Variants in KIF22 observed in about 807,000 individuals in gnomAD.
KIF22 encodes kinesin-like protein KIF22.
Under a neutral mutation model 73.0 loss-of-function variants are expected in KIF22, and 62 were observed. The ratio of observed to expected loss-of-function variants is 0.85; its 90% CI spans 0.69 to 1.05. The LOEUF is 1.05. KIF22 is among the 50% of genes least tolerant of loss of function. The pLI, the probability that KIF22 is intolerant of heterozygous loss-of-function variation, is 0.00. For missense variants in KIF22, 854 were observed against 870.1 expected (o/e 0.98, Z 0.23); for synonymous variants, 411 against 340.1 (o/e 1.21, Z -2.29).
rs746115237 is a variant in KIF22 at position 29,790,778 on chromosome 16, A to T, written c.19A>T (p.Thr7Ser). 5.0e-6 allele frequency: 8 copies of T among 1,600,410 alleles called. No homozygotes were observed. The South Asian group carries it at 7.9e-5, about 16-fold the overall frequency. ...GAGTGGAATGGCCGCGGGCGGCTCG[A>T]CGCAGCAGAGGCGACGCGAGATGGC... MAAGGS[T>S]QQRRREMAAA... is the part of the protein sequence containing the mutation. The change falls in exon 1 of 14, where the codon ACG becomes TCG. Residue 7 changes from threonine (T) to serine (S), a missense_variant. Thr to Ser is a moderately conservative substitution (Grantham distance 58). Around this residue, in one of 3 missense-constraint regions of KIF22, gnomAD observed 186 missense variants for 152.9 expected, o/e 1.22. Transcript: ENST00000160827.
At chr16:29,799,817 G>A (rs1329015713) in intron 7 of KIF22, 36 bp downstream of exon 7, 2 of 1,613,326 alleles carry the variant, frequency 1.2e-6, no homozygotes, top group Admixed American at 1.7e-5. Flanking sequence ...GAAACGCTGG[G>A]TCTGGAAATT....
At chr16:29,793,535 G>A (rs1455669485) in intron 1 of KIF22, among the ~76,000 whole-genome samples, 1 of 152,194 alleles carries the variant, frequency 6.6e-6, no homozygotes, top group East Asian at 1.9e-4. Context: ...AGATGTTACT[G>A]AAGCCAAGAG....
In KIF22 at chr16:29,798,818, C is replaced by T; in HGVS notation, c.549+71C>T. 1.3e-6 allele frequency: 2 copies of T among 1,578,996 alleles called. No individual in the cohort carries two copies. Among genetic ancestry groups the T allele is most frequent in the South Asian group, 1.2e-5 (1 of 86,768 alleles). On this transcript the variant is annotated intron_variant, in intron 4 of 13. Coordinates refer to ENST00000160827, the MANE Select transcript of KIF22 (RefSeq NM_007317.3). The surrounding 1 kb of genome is among the most constrained non-coding windows in gnomAD (Gnocchi z 4.1). ...TAAGACCTGGTTCTAGAACATGAAG[C>T]TCTGCTGTAGCAGGGAGGTAAGGTG... is the stretch of plus-strand genomic sequence containing the variant.
chr16:29,803,086 T>G, intron 9 of KIF22, 149 bp downstream of exon 9: 1 of 804,158 alleles, frequency 1.2e-6, no homozygotes. Context: ...TGAATGTCCT[T>G]AACATGGCTG....
intron 1 of KIF22, among the ~76,000 whole-genome samples, chr16:29,795,854 G>C (rs540877008): frequency 3.9e-5 from 6 of 152,062 alleles, no homozygotes; most frequent in African/African-American, 1.4e-4. Context: ...ATTGCATGTC[G>C]GTGGTTTTTG....
chr16:29,790,941 C>A, intron 1 of KIF22, 112 bp downstream of exon 1: 1 of 1,512,500 alleles, frequency 6.6e-7, no homozygotes, highest in Non-Finnish European at 8.9e-7. Context: ...GCGGCCATGG[C>A]GCAGGGGCGG....
At chr16:29,795,594 G>A (rs1199819971) in intron 1 of KIF22, among the ~76,000 whole-genome samples, 1 of 152,172 alleles carries the variant, frequency 6.6e-6, no homozygotes, top group Non-Finnish European at 1.5e-5. Context: ...GAGGGGAAGA[G>A]ATCTAGGTTT....
chr16:29,791,615 T>G (rs1028839139), intron 1 of KIF22, among the ~76,000 whole-genome samples: 1 of 152,254 alleles, frequency 6.6e-6, no homozygotes, highest in African/African-American at 2.4e-5. Flanking sequence ...GCTCTTGCTA[T>G]GTGCCAGGCA....
At chr16:29,802,683 A>G in intron 8 of KIF22, 86 bp from the exon 9 acceptor site, 1 of 1,281,052 alleles carries the variant, frequency 7.8e-7, no homozygotes, top group Non-Finnish European at 1.1e-6. Flanking sequence ...GGATATACCA[A>G]GTTAAGGTGT....
In KIF22 at chr16:29,803,571, G is replaced by T; in HGVS notation, c.1572G>T (p.Lys524Asn). The change falls in exon 10 of 14, where the codon AAG becomes AAT. Residue 524 changes from lysine (K) to asparagine (N), a missense_variant. By Grantham distance (94) the Lys-to-Asn change is moderately conservative. Around this residue, in one of 3 missense-constraint regions of KIF22, gnomAD observed 423 missense variants for 365.4 expected, o/e 1.16. Transcript: ENST00000160827. The part of the protein sequence containing the change: ...PLSHRTVTGA[K>N]PLKKAVVMPL... ...CACATCGCACAGTCACAGGGGCAAAGCCCCTGAAAAAGGCTGTGGTGATGC... is the reference window on the plus strand; with the variant it reads ...CACATCGCACAGTCACAGGGGCAAATCCCCTGAAAAAGGCTGTGGTGATGC... 6.2e-7 allele frequency: 1 copy of T among 1,612,952 alleles called. No homozygotes were observed. Among genetic ancestry groups the T allele is most frequent in the Non-Finnish European group, 8.5e-7 (1 of 1,179,408 alleles).
intron 7 of KIF22, 60 bp from the exon 8 acceptor site, chr16:29,799,853 A>T: frequency 6.2e-7 from 1 of 1,612,634 alleles, no homozygotes; most frequent in African/African-American, 1.3e-5. Context: ...ACCACCAAGC[A>T]TCAGCACAGA....
chr16:29,805,029 A>G lies in KIF22; in HGVS notation c.1890+3A>G, dbSNP rs1487194001. The G allele has an allele frequency of 2.2e-5, 28 of 1,282,066 alleles. No individual in the cohort carries two copies. The highest frequency in any genetic ancestry group is 3.0e-5 in the Non-Finnish European group (27 of 911,004). The allele number at this position is 1,282,066 out of a possible 1,614,324, so 79.4% of individuals were successfully genotyped here. On this transcript the variant is annotated splice_donor_region_variant and intron_variant, in intron 12 of 13. Coordinates refer to ENST00000160827, the MANE Select transcript of KIF22 (RefSeq NM_007317.3). ...AGCTCCACGGCCCCTTCAGCCAGGT[A>G]GCAGCCCACTGGACTGGGGGAGGGC...
rs1272364082 is a variant in KIF22 at position 29,803,500 on chromosome 16, G to A, written c.1501G>A (p.Ala501Thr). The change falls in exon 10 of 14, where the codon GCT becomes ACT. Residue 501 changes from alanine to threonine, a missense_variant. This residue lies in a region of KIF22 where 423 missense variants were observed against 365.4 expected (regional missense o/e 1.16). Coordinates refer to ENST00000160827, the MANE Select transcript of KIF22 (RefSeq NM_007317.3). Reference sequence around the variant, plus strand: ...GGAGGCCAAGATGTTGGCCCAGAAGGCTGAGGAAAAGGAGAACCATTGTCC... The same window carrying A: ...GGAGGCCAAGATGTTGGCCCAGAAGACTGAGGAAAAGGAGAACCATTGTCC... ...ELEAKMLAQK[A>T]EEKENHCPTM... 3 of 1,614,106 alleles carry A rather than the reference G, an allele frequency of 1.9e-6. No individual in the cohort carries two copies. Among genetic ancestry groups the A allele is most frequent in the Non-Finnish European group, 2.5e-6 (3 of 1,180,046 alleles).
At chr16:29,803,085 T>C (rs1194227520) in intron 9 of KIF22, 148 bp downstream of exon 9, 1 of 805,188 alleles carries the variant, frequency 1.2e-6, no homozygotes, top group East Asian at 2.6e-5. Context: ...TTGAATGTCC[T>C]TAACATGGCT....
In KIF22 at chr16:29,804,896, A is replaced by G. The variant is rs749158788; in HGVS notation, c.1760A>G (p.His587Arg). Residue 587 changes from histidine to arginine, a missense_variant, in exon 12 of 14, where the codon CAT (histidine) becomes CGT (arginine). Physicochemically the swap from His to Arg is conservative, Grantham distance 29. This residue lies in a region of KIF22 where 423 missense variants were observed against 365.4 expected (regional missense o/e 1.16). Coordinates refer to ENST00000160827, the MANE Select transcript of KIF22 (RefSeq NM_007317.3). Reference protein sequence around the residue: ...ELQISPELLAHGRQKILDLLN... With the variant: ...ELQISPELLARGRQKILDLLN... ...CAGATCAGCCCGGAGCTACTGGCTC[A>G]TGGGCGCCAAAAAATACTGGATCTG... The G allele has an allele frequency of 1.9e-6, 3 of 1,613,878 alleles. No homozygotes were observed. The highest frequency in any genetic ancestry group is 1.7e-5 in the Admixed American group (1 of 60,026).
chr16:29,805,224 C>T, intron 13 of KIF22, 39 bp from the exon 14 acceptor site: 1 of 1,614,032 alleles, frequency 6.2e-7, no homozygotes. Context: ...CCCCGCGCCC[C>T]TCTCTAACGT....
intron 1 of KIF22, 52 bp downstream of exon 1, chr16:29,790,881 G>A (rs764657125): frequency 6.4e-7 from 1 of 1,563,178 alleles, no homozygotes; most frequent in Non-Finnish European, 8.7e-7. Flanking sequence ...GAGTTTAGTG[G>A]GAGTTATGTG....
At position 29,798,287 on chromosome 16, in the gene KIF22, A is replaced by AGC; in HGVS notation, c.267-87_267-86insGC. 3.6e-5 allele frequency: 21 copies of AGC among 590,634 alleles called. No homozygotes were observed. Among genetic ancestry groups the AGC allele is most frequent in the Non-Finnish European group, 5.2e-5 (18 of 343,564 alleles). The allele number at this position is 590,634 out of a possible 1,614,324, so 36.6% of individuals were successfully genotyped here. A position where few individuals can be genotyped will look rare whatever the true frequency, so the allele number is the denominator to read the frequency against. ...GGTCCAGATGAGAGTAGAATCCCTT[A>AGC]CCCACCCCCACCCCACTCCACCCCT... On this transcript the variant is annotated intron_variant, in intron 2 of 13. Transcript: ENST00000160827. This position sits in a 1 kb window ranked among gnomAD's most constrained non-coding sequence, Gnocchi z 4.1.
At position 29,799,057 on chromosome 16, in the gene KIF22, C is replaced by T. The variant is rs140332579; in HGVS notation, c.632C>T (p.Ser211Phe). 13 of 1,614,190 alleles carry T rather than the reference C, an allele frequency of 8.1e-6. No homozygotes were observed. Among genetic ancestry groups the T allele is most frequent in the Non-Finnish European group, 1.0e-5 (12 of 1,180,030 alleles). ...CRGNILIPGL[S>F]QKPISSFADF... ...GGGAATATCCTGATTCCGGGTCTCT[C>T]CCAGAAGCCCATCAGTAGCTTTGCT... The change falls in exon 5 of 14, where the codon TCC (serine) becomes TTC (phenylalanine). Residue 211 changes from serine (S) to phenylalanine (F), a missense_variant. Ser to Phe is a radical substitution (Grantham distance 155). Transcript: ENST00000160827.
Sources: gnomAD v4.1 joint callset for allele counts (sites outside exome capture counted in the v4.1 genomes callset) on GRCh38, gnomAD v4.1.1 for gene constraint, gnomAD v4.1.1 regional missense constraint, Gnocchi (gnomAD v3.1) non-coding constraint, MANE v1.5 for transcripts, NCBI Gene and HGNC (gene_info 2026-07-23, HGNC 2026-07-21) for gene names.